QKI: variants seen among roughly 807,000 people sequenced by gnomAD.
QKI encodes KH domain-containing RNA-binding protein QKI.
A neutral mutation model predicts 39.0 loss-of-function variants in QKI; 10 were observed. The observed-to-expected ratio is 0.26, with a 90% CI of 0.16 to 0.43. QKI has a LOEUF of 0.43. Ranked by LOEUF, QKI falls within the 20% of genes least tolerant of loss-of-function variation. The pLI, the probability that QKI is intolerant of heterozygous loss-of-function variation, is 1.00. For missense variants in QKI, 218 were observed against 428.0 expected (o/e 0.51, Z 4.33); for synonymous variants, 204 against 155.4 (o/e 1.31, Z -2.33).
intron 2 of QKI, among the ~76,000 whole-genome samples, chr6:163,465,095 T>G (rs574964993): frequency 6.6e-6 from 1 of 152,308 alleles, no homozygotes; most frequent in African/African-American, 2.4e-5. Context: ...TAAGATCATC[T>G]TAAAAGATGC....
intron 4 of QKI, among the ~76,000 whole-genome samples, chr6:163,551,957 C>T (rs1782256562): frequency 6.6e-6 from 1 of 152,126 alleles, no homozygotes; most frequent in Admixed American, 6.5e-5. Context: ...GGAACCACCC[C>T]CACGTGCAGT....
intron 1 of QKI, among the ~76,000 whole-genome samples, chr6:163,424,064 G>A (rs1788211426): frequency 6.6e-6 from 1 of 152,208 alleles, no homozygotes; most frequent in Non-Finnish European, 1.5e-5. Context: ...TATTCCTGAT[G>A]CCAGCATCTG....
intron 3 of QKI, among the ~76,000 whole-genome samples, chr6:163,520,144 G>T (rs1018923469): frequency 1.3e-5 from 2 of 152,120 alleles, no homozygotes; most frequent in African/African-American, 4.8e-5. Flanking sequence ...CCATGTCTCT[G>T]AAACTTGAAC....
chr6:163,472,128 A>G (rs372141729), intron 2 of QKI, among the ~76,000 whole-genome samples: 1 of 152,218 alleles, frequency 6.6e-6, no homozygotes, highest in Non-Finnish European at 1.5e-5. Context: ...CTGATAGCCT[A>G]CTGTCGACTG....
chr6:163,566,292 A>T, intron 6 of QKI: 1 of 1,212,214 alleles, frequency 8.2e-7, no homozygotes, highest in Non-Finnish European at 1.0e-6. Flanking sequence ...GGCTTTAAGA[A>T]TTGCTTTTAA....
chr6:163,556,707 G>A (rs1163032296), intron 4 of QKI, among the ~76,000 whole-genome samples: 3 of 151,864 alleles, frequency 2.0e-5, no homozygotes, highest in African/African-American at 4.8e-5. Flanking sequence ...TGTTTGTTAC[G>A]GACTGGATTA....
intron 3 of QKI, among the ~76,000 whole-genome samples, chr6:163,503,542 C>G (rs1239492734): frequency 6.6e-6 from 1 of 151,808 alleles, no homozygotes; most frequent in East Asian, 1.9e-4. Flanking sequence ...CTGATAGTTT[C>G]TTTTGCTGTG....
At chr6:163,452,155 G>A (rs930594451) in intron 1 of QKI, among the ~76,000 whole-genome samples, 1 of 152,118 alleles carries the variant, frequency 6.6e-6, no homozygotes, top group African/African-American at 2.4e-5. Context: ...GTTAGAACTG[G>A]AATCAGAACT....
Position 163,575,516 on chromosome 6 carries a change from G to GT in QKI, c.*4808dup, listed in dbSNP as rs1326344020. 2 of 152,178 alleles carry GT rather than the reference G, an allele frequency of 1.3e-5. No individual in the cohort carries two copies. The highest frequency in any genetic ancestry group is 1.5e-5 in the Non-Finnish European group (1 of 68,042). 9.4% of individuals were successfully genotyped at this position (152,178 alleles called of 1,614,324 possible). A position where few individuals can be genotyped will look rare whatever the true frequency, so the allele number is the denominator to read the frequency against. ...TGAAAGCTGAGCTTTCAGTCAAGAAGTTGGTGAAATTAATGTCCTTAAACT... is the reference window on the plus strand; with the variant it reads ...TGAAAGCTGAGCTTTCAGTCAAGAAGTTTGGTGAAATTAATGTCCTTAAACT... On this transcript the variant is annotated 3_prime_UTR_variant, in exon 8 of 8. Transcript: ENST00000361752.
At chr6:163,522,503 G>A (rs1780225382) in intron 3 of QKI, among the ~76,000 whole-genome samples, 1 of 152,084 alleles carries the variant, frequency 6.6e-6, no homozygotes, top group Non-Finnish European at 1.5e-5. Flanking sequence ...TGTGGGGAGA[G>A]GCCTTTTTGT....
intron 3 of QKI, among the ~76,000 whole-genome samples, chr6:163,492,599 A>G (rs1778126002): frequency 6.6e-6 from 1 of 152,210 alleles, no homozygotes. Context: ...GTGAATTAAA[A>G]TAAGTATAAG....
In QKI at chr6:163,465,364, C is replaced by T. The variant is rs115221690; in HGVS notation, c.285+9943C>T. On this transcript the variant is annotated intron_variant, in intron 2 of 7. Transcript: ENST00000361752. ...ATAAAGGCAGCCAGGAGTGGTGGCT[C>T]ATGGCTCTGATTCCCAGCACTTTGG... Among the ~76,000 whole-genome samples the T allele has an allele frequency of 7.4e-3, 1,126 of 152,166 alleles. 16 individuals are homozygous for T. Among genetic ancestry groups the T allele is most frequent in the African/African-American group, 0.026 (1,067 of 41,530 alleles).
intron 4 of QKI, among the ~76,000 whole-genome samples, chr6:163,561,309 C>T (rs1301579738): frequency 1.3e-5 from 2 of 152,058 alleles, no homozygotes; most frequent in African/African-American, 4.8e-5. Context: ...GAATATTCAG[C>T]AAAATGATAG....
intron 1 of QKI, among the ~76,000 whole-genome samples, chr6:163,435,870 T>A (rs1461029189): frequency 1.3e-5 from 2 of 152,242 alleles, no homozygotes; most frequent in Non-Finnish European, 2.9e-5. Flanking sequence ...TTAAGCCATT[T>A]ATATTATAAT....
At chr6:163,568,456 C>T in intron 7 of QKI, 1 of 985,560 alleles carries the variant, frequency 1.0e-6, no homozygotes, top group Non-Finnish European at 1.2e-6. Context: ...TTAGTCCTGT[C>T]ACTGTTTTTA....
Position 163,578,227 on chromosome 6 carries a change from A to G in QKI, c.*7517A>G, listed in dbSNP as rs1396746362. 6.6e-6 allele frequency: 1 copy of G among 152,208 alleles called. No homozygotes were observed. The highest frequency in any genetic ancestry group is 1.9e-4 in the East Asian group (1 of 5,202). 9.4% of individuals were successfully genotyped at this position (152,208 alleles called of 1,614,324 possible). A position where few individuals can be genotyped will look rare whatever the true frequency, so the allele number is the denominator to read the frequency against. On this transcript the variant is annotated 3_prime_UTR_variant, in exon 8 of 8. Coordinates refer to ENST00000361752, the MANE Select transcript of QKI (RefSeq NM_006775.3). ...ATTGGTTACTTAACTGGATATTAAT[A>G]TAAAGGTTATTACAAGAAAAATGAT...
At chr6:163,540,658 C>A (rs1014312991) in intron 4 of QKI, among the ~76,000 whole-genome samples, 1 of 152,090 alleles carries the variant, frequency 6.6e-6, no homozygotes, top group Non-Finnish European at 1.5e-5. Context: ...TAATCACACA[C>A]CATTTATTAG....
At chr6:163,442,750 T>C (rs535654012) in intron 1 of QKI, among the ~76,000 whole-genome samples, 1 of 152,234 alleles carries the variant, frequency 6.6e-6, no homozygotes, top group South Asian at 2.1e-4. Flanking sequence ...ATGTATCAGA[T>C]AGGTTGAGAA....
At chr6:163,445,930 C>G (rs1319203427) in intron 1 of QKI, among the ~76,000 whole-genome samples, 1 of 152,104 alleles carries the variant, frequency 6.6e-6, no homozygotes, top group Non-Finnish European at 1.5e-5. Context: ...GGGTATATGT[C>G]TTAATACTGG....
Sources: gnomAD v4.1 joint callset for allele counts (sites outside exome capture counted in the v4.1 genomes callset) on GRCh38, gnomAD v4.1.1 for gene constraint, MANE v1.5 for transcripts, NCBI Gene and HGNC (gene_info 2026-07-23, HGNC 2026-07-21) for gene names.